ARAP2: variants seen among roughly 807,000 people sequenced by gnomAD.
ARAP2 encodes arf-GAP with Rho-GAP domain, ANK repeat and PH domain-containing protein 2.
Under a neutral mutation model 194.5 loss-of-function variants are expected in ARAP2, and 148 were observed. The ratio of observed to expected loss-of-function variants is 0.76; its 90% CI spans 0.67 to 0.87. The LOEUF is 0.87. Ranked by LOEUF, ARAP2 falls within the 40% of genes least tolerant of loss-of-function variation. The pLI is 0.00. For missense variants in ARAP2, 2,128 were observed against 1,989.7 expected (o/e 1.07, Z -1.32); for synonymous variants, 695 against 683.5 (o/e 1.02, Z -0.26).
chr4:36,208,510 A>G (rs2109260250), intron 6 of ARAP2, among the ~76,000 whole-genome samples: 1 of 152,340 alleles, frequency 6.6e-6, no homozygotes, highest in East Asian at 1.9e-4. Context: ...CATCTCAATC[A>G]GCGCTATCTG....
At chr4:36,109,781 T>C (rs530056744) in intron 26 of ARAP2, among the ~76,000 whole-genome samples, 3 of 152,020 alleles carry the variant, frequency 2.0e-5, no homozygotes, top group East Asian at 1.9e-4. Context: ...GTTACATATG[T>C]ATACATGTGC....
rs983795563 is a variant in ARAP2, at chr4:36,171,116, G to T, written c.1858-4069C>A. Among the ~76,000 whole-genome samples, 6 of 152,104 alleles carry T rather than the reference G, an allele frequency of 3.9e-5. No individual in the cohort carries two copies. The South Asian group carries it at 6.2e-4, about 16-fold the overall frequency. ...CGCTTGTTCACTTATTTGCAAAATAGGGATAACAGTAGCACCTACAGCATC... is the reference window on the plus strand; with the variant it reads ...CGCTTGTTCACTTATTTGCAAAATATGGATAACAGTAGCACCTACAGCATC... On this transcript the variant is annotated intron_variant, in intron 9 of 32. Coordinates refer to ENST00000303965, the MANE Select transcript of ARAP2 (RefSeq NM_015230.4).
intron 24 of ARAP2, among the ~76,000 whole-genome samples, chr4:36,118,082 T>A (rs1469728438): frequency 6.6e-6 from 1 of 151,342 alleles, no homozygotes; most frequent in Non-Finnish European, 1.5e-5. Flanking sequence ...AAAAATTTTG[T>A]GGGGAAAACA....
chr4:36,214,402 C>T lies in ARAP2; in HGVS notation c.964+20G>A. ...TCAAATGAGCTCTAATTTAAGGAGA[C>T]ATTAAACACATAGACTCACTTTGCC... On this transcript the variant is annotated intron_variant, in intron 3 of 32. Transcript: ENST00000303965. 6.3e-7 allele frequency: 1 copy of T among 1,580,068 alleles called. No homozygotes were observed. Among genetic ancestry groups the T allele is most frequent in the Non-Finnish European group, 8.6e-7 (1 of 1,159,262 alleles).
At position 36,073,551 on chromosome 4, in the gene ARAP2, T is replaced by C. The variant is rs892990534; in HGVS notation, c.4743+138A>G. ...TTATTCATACTGTTTTCTTGCTGTA[T>C]GTGATTATTACCATGCTTTACAAAG... On this transcript the variant is annotated intron_variant, in intron 32 of 32. Coordinates refer to ENST00000303965, the MANE Select transcript of ARAP2 (RefSeq NM_015230.4). The C allele has an allele frequency of 3.0e-6, 3 of 988,772 alleles. No homozygotes were observed. The African/African-American group carries it at 4.9e-5, about 16-fold the overall frequency. 61.2% of individuals were successfully genotyped at this position (988,772 alleles called of 1,614,324 possible).
intron 5 of ARAP2, among the ~76,000 whole-genome samples, chr4:36,028,036 T>C (rs149375170): frequency 1.3e-5 from 2 of 152,342 alleles, no homozygotes; most frequent in East Asian, 1.9e-4. Flanking sequence ...CATACTCATA[T>C]TGAACTATTC....
chr4:36,026,862 C>T (rs1718001007), intron 5 of ARAP2, among the ~76,000 whole-genome samples: 1 of 152,346 alleles, frequency 6.6e-6, no homozygotes, highest in African/African-American at 2.4e-5. Flanking sequence ...GTTTTTGTCA[C>T]GTGCGCCAGC....
At chr4:36,177,732 T>C (rs1738291299) in intron 9 of ARAP2, 95 bp downstream of exon 9, 1 of 1,286,854 alleles carries the variant, frequency 7.8e-7, no homozygotes, top group East Asian at 2.4e-5. Context: ...AAAACAAGAC[T>C]CTATAAGTAA....
chr4:36,166,160 C>G lies in ARAP2; in HGVS notation c.1973+772G>C, dbSNP rs112613916. Among the ~76,000 whole-genome samples, 3 of 152,006 alleles carry G rather than the reference C, an allele frequency of 2.0e-5. No individual in the cohort carries two copies. The East Asian group carries it at 5.8e-4, about 29-fold the overall frequency. The stretch of plus-strand genomic sequence containing the variant: ...GTATTTTGACATGCAAAATGAGTAA[C>G]TACAATTGACAGTATATTTGAAATT... On this transcript the variant is annotated intron_variant, in intron 10 of 32. Transcript: ENST00000303965.
At chr4:36,233,069 C>CA in intron 1 of ARAP2, among the ~76,000 whole-genome samples, 1 of 152,084 alleles carries the variant, frequency 6.6e-6, no homozygotes, top group Non-Finnish European at 1.5e-5. Flanking sequence ...AGGCTCCCTC[C>CA]CACAGCCCTA....
At chr4:36,128,774 TAA>T (rs1724634419) in intron 20 of ARAP2, 29 bp from the exon 21 acceptor site, 2 of 1,524,978 alleles carry the variant, frequency 1.3e-6, no homozygotes, top group African/African-American at 2.8e-5. Context: ...AGTTATACTT[TAA>T]AAGTCTAAAT....
At chr4:36,094,049 C>T (rs1310781216) in intron 27 of ARAP2, among the ~76,000 whole-genome samples, 1 of 152,114 alleles carries the variant, frequency 6.6e-6, no homozygotes, top group Non-Finnish European at 1.5e-5. Context: ...TGGACATTGA[C>T]TAATAAGCCA....
chr4:36,156,057 A>G (rs1342292773), intron 15 of ARAP2, among the ~76,000 whole-genome samples: 1 of 151,968 alleles, frequency 6.6e-6, no homozygotes, highest in East Asian at 1.9e-4. Context: ...TGAGACAGGC[A>G]GATTACTTGA....
chr4:36,128,505 T>TACACAC, intron 21 of ARAP2, 28 bp downstream of exon 21: 1 of 1,227,846 alleles, frequency 8.1e-7, no homozygotes, highest in Non-Finnish European at 1.2e-6. Context: ...CACACACACA[T>TACACAC]ATCTACAAAT....
chr4:36,159,842 A>G (rs901368887), intron 13 of ARAP2: 5 of 165,374 alleles, frequency 3.0e-5, no homozygotes, highest in Non-Finnish European at 6.4e-5. Context: ...ATATTTCAAT[A>G]TAATAATGAA....
intron 19 of ARAP2, among the ~76,000 whole-genome samples, chr4:36,134,405 C>G (rs73809111): frequency 2.6e-5 from 4 of 151,576 alleles, no homozygotes; most frequent in African/African-American, 4.8e-5. Flanking sequence ...TCACAAAATT[C>G]TGTTGACTAC....
intron 1 of ARAP2, among the ~76,000 whole-genome samples, chr4:36,241,226 G>A (rs539191261): frequency 5.1e-4 from 78 of 152,264 alleles, no homozygotes; most frequent in Non-Finnish European, 9.1e-4. Flanking sequence ...CAAACAACCA[G>A]ATGTTTCAGA....
intron 27 of ARAP2, among the ~76,000 whole-genome samples, chr4:36,105,277 G>A (rs766527218): frequency 4.6e-5 from 7 of 151,926 alleles, no homozygotes; most frequent in East Asian, 1.9e-4. Flanking sequence ...CTGAGATCAC[G>A]CCACCGGTGG....
chr4:36,073,369 G>A (rs992530409), intron 32 of ARAP2, among the ~76,000 whole-genome samples: 6 of 152,106 alleles, frequency 3.9e-5, no homozygotes, highest in African/African-American at 1.4e-4. Flanking sequence ...CTCTGAAGGT[G>A]TTTTAAGTAA....
Sources: gnomAD v4.1 joint callset for allele counts (sites outside exome capture counted in the v4.1 genomes callset) on GRCh38, gnomAD v4.1.1 for gene constraint, MANE v1.5 for transcripts, NCBI Gene and HGNC (gene_info 2026-07-23, HGNC 2026-07-21) for gene names.